SPG11: variants seen among roughly 807,000 people sequenced by gnomAD.
SPG11 encodes the protein SPG11 vesicle trafficking associated, spatacsin, also known as spatacsin.
In SPG11, 222 loss-of-function variants were observed where a neutral mutation model predicts 274.0. The observed-to-expected ratio is 0.81, with a 90% CI of 0.73 to 0.91. The LOEUF is 0.91. Ranked by LOEUF, SPG11 falls within the 40% of genes least tolerant of loss-of-function variation. SPG11 has a pLI of 0.00. For synonymous variants in SPG11, 1,144 were observed against 1,039.7 expected (o/e 1.10, Z -1.93); for missense variants, 3,114 against 2,872.7 (o/e 1.08, Z -1.92).
rs1182268607 is a variant in SPG11 at position 44,598,764 on chromosome 15, T to C, written c.3759A>G (p.Ala1253=). ...CAAGCAATTCTAAGAAACAAACACA[T>C]GCAGCTCCTATTGAAGGTATGTGGA... ...SSFHIPSIGA[A]CVCFLELLGL... is the part of the protein sequence containing the mutation. The change falls in exon 22 of 40, where the codon GCA becomes GCG. Residue 1253 remains alanine, a synonymous_variant. Transcript: ENST00000261866. The C allele has an allele frequency of 3.1e-6, 5 of 1,614,156 alleles. No individual in the cohort carries two copies. Among genetic ancestry groups the C allele is most frequent in the Non-Finnish European group, 4.2e-6 (5 of 1,180,018 alleles).
At chr15:44,563,920 TA>T (rs1352559886) in intron 39 of SPG11, among the ~76,000 whole-genome samples, 2 of 152,218 alleles carry the variant, frequency 1.3e-5, no homozygotes, top group Non-Finnish European at 2.9e-5. Context: ...AATATTTCTT[TA>T]AAAATGAGTA....
At chr15:44,613,041 C>T (rs1222758984) in intron 17 of SPG11, among the ~76,000 whole-genome samples, 2 of 152,298 alleles carry the variant, frequency 1.3e-5, no homozygotes, top group South Asian at 2.1e-4. Context: ...TTTCTTTTAA[C>T]TCCATTTGGA....
At chr15:44,654,382 C>A (rs529014100) in intron 4 of SPG11, among the ~76,000 whole-genome samples, 1 of 152,148 alleles carries the variant, frequency 6.6e-6, no homozygotes, top group African/African-American at 2.4e-5. Flanking sequence ...GTGGCACATG[C>A]CTATAATCCC....
intron 15 of SPG11, among the ~76,000 whole-genome samples, chr15:44,618,810 T>TC (rs1405961818): frequency 1.3e-5 from 2 of 150,430 alleles, no homozygotes; most frequent in Non-Finnish European, 3.0e-5. Context: ...ACAGCGAGAC[T>TC]CCATCTCAAA....
At chr15:44,637,691 TCAA>T (rs1288391277) in intron 7 of SPG11, among the ~76,000 whole-genome samples, 1 of 152,202 alleles carries the variant, frequency 6.6e-6, no homozygotes, top group Admixed American at 6.5e-5. Flanking sequence ...AATATTTCAC[TCAA>T]CAACAGGCTA....
At position 44,648,949 on chromosome 15, in the gene SPG11, T is replaced by C; in HGVS notation, c.1519A>G (p.Ile507Val). 1 of 1,614,026 alleles carries C rather than the reference T, an allele frequency of 6.2e-7. No individual in the cohort carries two copies. Among genetic ancestry groups the C allele is most frequent in the Non-Finnish European group, 8.5e-7 (1 of 1,179,912 alleles). ...TCCACAGTGCTGGCACTTCCATGGA[T>C]CATGAGTCTGTTTAAAAACTCTTCT... The part of the protein sequence containing the change: ...TQEEFLNRLM[I>V]HGSASTVDTL... The change falls in exon 7 of 40, where the codon ATC becomes GTC. Residue 507 changes from isoleucine (I) to valine (V), a missense_variant. Transcript: ENST00000261866.
intron 29 of SPG11, 109 bp downstream of exon 29, chr15:44,585,527 G>A (rs951054782): frequency 2.6e-5 from 22 of 843,042 alleles, no homozygotes; most frequent in Admixed American, 8.8e-5. Flanking sequence ...GCATGAACCC[G>A]AGAGGCGGAG....
chr15:44,567,235 C>T, intron 36 of SPG11, 189 bp downstream of exon 36: 2 of 553,252 alleles, frequency 3.6e-6, no homozygotes, highest in East Asian at 3.5e-5. Context: ...CTTGTAATCC[C>T]AGCTACTTGG....
At chr15:44,601,039 C>A (rs1595866664) in intron 20 of SPG11, among the ~76,000 whole-genome samples, 1 of 152,122 alleles carries the variant, frequency 6.6e-6, no homozygotes, top group Non-Finnish European at 1.5e-5. Flanking sequence ...GTAATCCCAG[C>A]TACTTGGGAG....
chr15:44,662,783 C>A (rs184352330), intron 1 of SPG11, among the ~76,000 whole-genome samples: 1 of 150,938 alleles, frequency 6.6e-6, no homozygotes, highest in East Asian at 2.0e-4. Context: ...TTATTGTAAT[C>A]ATGTTTGTCT....
At chr15:44,592,570 G>A (rs2082930090) in intron 26 of SPG11, 132 bp from the exon 27 acceptor site, 6 of 686,786 alleles carry the variant, frequency 8.7e-6, no homozygotes, top group Non-Finnish European at 1.3e-5. Flanking sequence ...TGTAATGCCA[G>A]CACTTTGGGA....
rs1023700418 is a variant in SPG11, at chr15:44,652,027, A to G, written c.1008-88T>C. On this transcript the variant is annotated intron_variant, in intron 5 of 39. Coordinates refer to ENST00000261866, the MANE Select transcript of SPG11 (RefSeq NM_025137.4). ...AAACCAGGGCAAAGATGTTCTTAAA[A>G]AAAAAAAGTATCTATCAAATAAAGA... 5 of 1,569,944 alleles carry G rather than the reference A, an allele frequency of 3.2e-6. No individual in the cohort carries two copies. In the African/African-American group the frequency reaches 5.5e-5, roughly 17 times the overall value.
chr15:44,638,240 T>C (rs939649365), intron 7 of SPG11, among the ~76,000 whole-genome samples: 1 of 152,044 alleles, frequency 6.6e-6, no homozygotes, highest in South Asian at 2.1e-4. Flanking sequence ...GGCGGGTGGG[T>C]CACTTGAGGT....
rs1339752849 is a variant in SPG11 at position 44,650,899 on chromosome 15, C to T, written c.1456+592G>A. On this transcript the variant is annotated intron_variant, in intron 6 of 39. Transcript: ENST00000261866. Reference sequence around the variant, plus strand: ...TGTAGCTGGGACTACAGGTGCCGGCCACCACGCAAGGCTAATTTTTGTATT... The same window carrying T: ...TGTAGCTGGGACTACAGGTGCCGGCTACCACGCAAGGCTAATTTTTGTATT... Among the ~76,000 whole-genome samples the T allele has an allele frequency of 2.0e-5, 3 of 152,080 alleles. No homozygotes were observed. The East Asian group carries it at 5.8e-4, about 29-fold the overall frequency.
chr15:44,636,661 C>CA (rs965614228), intron 7 of SPG11, among the ~76,000 whole-genome samples: 30 of 150,192 alleles, frequency 2.0e-4, no homozygotes, highest in African/African-American at 6.6e-4. Context: ...GACTCTGTCT[C>CA]AAAAAAAACA....
At chr15:44,622,608 A>G (rs1484812986) in intron 12 of SPG11, 120 bp downstream of exon 12, 2 of 883,854 alleles carry the variant, frequency 2.3e-6, no homozygotes, top group Non-Finnish European at 3.7e-6. Flanking sequence ...TCACACTTTT[A>G]CTTATTAGAT....
At chr15:44,626,913 GAGGATA>G (rs765547043) in intron 10 of SPG11, among the ~76,000 whole-genome samples, 189 of 152,106 alleles carry the variant, frequency 1.2e-3, no homozygotes, top group Non-Finnish European at 2.1e-3. Context: ...ACTGAGATAA[GAGGATA>G]AGTGTTCCAA....
intron 7 of SPG11, among the ~76,000 whole-genome samples, chr15:44,634,384 C>T (rs2084175031): frequency 6.6e-6 from 1 of 151,972 alleles, no homozygotes; most frequent in African/African-American, 2.4e-5. Flanking sequence ...AAGTGATTCT[C>T]GTGCCTCAGC....
At chr15:44,629,977 A>T (rs2084011485) in intron 8 of SPG11, among the ~76,000 whole-genome samples, 1 of 152,188 alleles carries the variant, frequency 6.6e-6, no homozygotes, top group African/African-American at 2.4e-5. Context: ...AGGCTGAGGC[A>T]GAAGAATTGC....
Sources: allele counts gnomAD v4.1 joint callset (sites outside exome capture counted in the v4.1 genomes callset), GRCh38; gene constraint gnomAD v4.1.1; transcripts MANE v1.5; gene names NCBI Gene and HGNC (gene_info 2026-07-23, HGNC 2026-07-21).